ARPC4: variants seen among roughly 807,000 people sequenced by gnomAD.
ARPC4 encodes actin-related protein 2/3 complex subunit 4.
In ARPC4, 3 loss-of-function variants were observed where a neutral mutation model predicts 22.8. That is an observed-to-expected ratio of 0.13 (90% CI 0.06 to 0.34). ARPC4 has a LOEUF of 0.34. ARPC4 is among the 10% of genes least tolerant of loss of function. The pLI is 1.00. For missense variants in ARPC4, 98 were observed against 211.0 expected (o/e 0.46, Z 3.32); for synonymous variants, 80 against 72.5 (o/e 1.10, Z -0.52).
At chr3:9,803,269 C>T (rs1051485541) in intron 4 of ARPC4, among the ~76,000 whole-genome samples, 3 of 152,158 alleles carry the variant, frequency 2.0e-5, no homozygotes, top group African/African-American at 7.2e-5. Context: ...AGACTCCTTG[C>T]CAGGTAAACT....
At chr3:9,799,751 A>C (rs2078969876) in intron 2 of ARPC4, 1 of 425,350 alleles carries the variant, frequency 2.4e-6, no homozygotes, top group Non-Finnish European at 4.7e-6. Flanking sequence ...CCAGTTTCAG[A>C]TTTTGGATTT....
intron 2 of ARPC4, among the ~76,000 whole-genome samples, chr3:9,799,042 C>T (rs1202013486): frequency 6.6e-6 from 1 of 152,056 alleles, no homozygotes; most frequent in African/African-American, 2.4e-5. Flanking sequence ...ACACGATTTC[C>T]AGTGGGCCTT....
At chr3:9,799,653 G>A (rs921346356) in intron 2 of ARPC4, among the ~76,000 whole-genome samples, 2 of 152,116 alleles carry the variant, frequency 1.3e-5, no homozygotes, top group African/African-American at 4.8e-5. Flanking sequence ...ATGTTGGCCA[G>A]GCTGGTCTCG....
rs1164400427 is a variant in ARPC4 at position 9,797,719 on chromosome 3, C to T, written c.64C>T (p.Leu22=). 5 of 1,614,074 alleles carry T rather than the reference C, an allele frequency of 3.1e-6. No homozygotes were observed. Among genetic ancestry groups the T allele is most frequent in the Middle Eastern group, 1.6e-4 (1 of 6,084 alleles). Residue 22 remains leucine, a synonymous_variant, in exon 2 of 6, where the codon CTG becomes TTG. Transcript: ENST00000397261. ...GGCCACATTGCAGGCTGCCCTCTGC[C>T]TGGAGAACTTCTCCTCCCAGGTTGT... is the stretch of plus-strand genomic sequence containing the variant. ...VRATLQAALC[L]ENFSSQVVER...
chr3:9,803,696 C>A, intron 4 of ARPC4, 147 bp from the exon 5 acceptor site: 1 of 942,092 alleles, frequency 1.1e-6, no homozygotes, highest in Non-Finnish European at 1.7e-6. Context: ...AGCTGGGCTG[C>A]TGACTGGAAG....
In ARPC4 at chr3:9,800,942, G is replaced by A. The variant is rs147950645; in HGVS notation, c.234+646G>A. ...TTGAGAGTTCAGGGCCAGGCACAGT[G>A]GCTCATGCCTGTAATCCCAGCACTT... On this transcript the variant is annotated intron_variant, in intron 3 of 5. Coordinates refer to ENST00000397261, the MANE Select transcript of ARPC4 (RefSeq NM_005718.5). Among the ~76,000 whole-genome samples, 137 of 152,226 alleles carry A rather than the reference G, an allele frequency of 9.0e-4. 1 individual carries two copies. In the East Asian group the frequency reaches 0.014, roughly 16 times the overall value.
intron 1 of ARPC4, 29 bp downstream of exon 1, chr3:9,793,153 C>T (rs763605455): frequency 2.6e-6 from 4 of 1,536,566 alleles, no homozygotes; most frequent in East Asian, 5.0e-5. Context: ...CGGCCAGGGA[C>T]CCCCGGCTGT....
Position 9,806,308 on chromosome 3 carries a change from G to T in ARPC4, c.*93G>T, listed in dbSNP as rs1451088994. On this transcript the variant is annotated 3_prime_UTR_variant, in exon 6 of 6. Coordinates refer to ENST00000397261, the MANE Select transcript of ARPC4 (RefSeq NM_005718.5). ...TCACTCCCCGAGCAGCGCGGCGGCG[G>T]CAGGGAGTTGGGTTGGGGTGGGCAT... The T allele has an allele frequency of 3.4e-6, 5 of 1,457,114 alleles. No homozygotes were observed. In the East Asian group the frequency reaches 1.1e-4, roughly 33 times the overall value. The allele number at this position is 1,457,114 out of a possible 1,614,324, so 90.3% of individuals were successfully genotyped here. A position where few individuals can be genotyped will look rare whatever the true frequency, so the allele number is the denominator to read the frequency against.
At chr3:9,806,186 A>G (rs1306526914) in intron 5 of ARPC4, 24 bp from the exon 6 acceptor site, 1 of 1,613,632 alleles carries the variant, frequency 6.2e-7, no homozygotes, top group Non-Finnish European at 8.5e-7. Flanking sequence ...ACCACCATGC[A>G]CTGCCTCTTG....
intron 1 of ARPC4, among the ~76,000 whole-genome samples, chr3:9,796,181 G>T (rs74942724): frequency 6.6e-6 from 1 of 152,066 alleles, no homozygotes; most frequent in South Asian, 2.1e-4. Context: ...ATTGCCTGAG[G>T]TCAGGATTTC....
chr3:9,801,232 A>G (rs956574758), intron 3 of ARPC4, among the ~76,000 whole-genome samples: 1 of 147,944 alleles, frequency 6.8e-6, no homozygotes, highest in African/African-American at 2.6e-5. Context: ...AAAAAAAAAA[A>G]AAAAAGAAAT....
rs541335211 is a variant in ARPC4 at position 9,798,632 on chromosome 3, T to C, written c.122+855T>C. 4.6e-5 allele frequency among the ~76,000 whole-genome samples: 7 copies of C among 151,922 alleles called. No homozygotes were observed. In the South Asian group the frequency reaches 1.5e-3, roughly 32 times the overall value. On this transcript the variant is annotated intron_variant, in intron 2 of 5. Coordinates refer to ENST00000397261, the MANE Select transcript of ARPC4 (RefSeq NM_005718.5). ...GGCTCACGCCTGTAATCCCAGCACT[T>C]TGGGAGGCCGAGGCAGACAGATTAT...
upstream of ARPC4, chr3:9,792,702 G>A: frequency 8.1e-7 from 1 of 1,233,826 alleles, no homozygotes; most frequent in African/African-American, 1.5e-5. Context: ...GCCAGGAGCT[G>A]CGGGTAGGAG....
At chr3:9,792,730 G>A, upstream of ARPC4, 3 of 1,237,096 alleles carry the variant, frequency 2.4e-6, no homozygotes, top group South Asian at 3.7e-5. Flanking sequence ...AGAAAGGATG[G>A]GGGTACAGAA....
rs559552400 is a variant in ARPC4 at position 9,795,277 on chromosome 3, G to A, written c.3+2153G>A. 3.3e-5 allele frequency among the ~76,000 whole-genome samples: 5 copies of A among 152,282 alleles called. 1 individual carries two copies. The East Asian group carries it at 9.6e-4, about 29-fold the overall frequency. On this transcript the variant is annotated intron_variant, in intron 1 of 5. Transcript: ENST00000397261. ...GGCCTCCCAAAGTGCCGGGATTACA[G>A]GCGTGAGCCCCTGGGAAGTTTTTTT... is the stretch of plus-strand genomic sequence containing the variant.
At chr3:9,800,386 G>T in intron 3 of ARPC4, 90 bp downstream of exon 3, 1 of 1,242,738 alleles carries the variant, frequency 8.0e-7, no homozygotes, top group Non-Finnish European at 1.1e-6. Flanking sequence ...AGAGATCAGT[G>T]TGCCAGATTC....
intron 4 of ARPC4, chr3:9,803,483 C>T (rs2079054042): frequency 2.1e-6 from 1 of 466,126 alleles, no homozygotes; most frequent in Non-Finnish European, 4.3e-6. Flanking sequence ...TAATCCCACC[C>T]ATCTTCCACA....
intron 1 of ARPC4, among the ~76,000 whole-genome samples, chr3:9,797,072 A>G (rs998017398): frequency 6.9e-6 from 1 of 145,676 alleles, no homozygotes; most frequent in African/African-American, 2.6e-5. Flanking sequence ...TCATCTTTAT[A>G]TCATAGTTAT....
upstream of ARPC4, chr3:9,792,542 T>A: frequency 8.2e-7 from 1 of 1,225,446 alleles, no homozygotes; most frequent in African/African-American, 1.6e-5. Context: ...TACTGGAGTT[T>A]GCCGGGGGTG....
Sources: gnomAD v4.1 joint callset for allele counts (sites outside exome capture counted in the v4.1 genomes callset) on GRCh38, gnomAD v4.1.1 for gene constraint, MANE v1.5 for transcripts, NCBI Gene and HGNC (gene_info 2026-07-23, HGNC 2026-07-21) for gene names.